The following PTPRN2 variants were observed in gnomAD, a reference collection of about 807,000 sequenced individuals.
PTPRN2 encodes the protein receptor-type tyrosine-protein phosphatase N2.
A neutral mutation model predicts 118.8 loss-of-function variants in PTPRN2; 74 were observed. The ratio of observed to expected loss-of-function variants is 0.62; its 90% CI spans 0.52 to 0.76. The LOEUF (loss-of-function observed/expected upper bound fraction) is 0.76, where lower values mean the gene tolerates loss of function less well. Among genes scored for constraint, PTPRN2 ranks in the 30% least tolerant of loss-of-function variants. The pLI is 0.00. For missense variants in PTPRN2, 1,481 were observed against 1,394.4 expected (o/e 1.06, Z -0.99); for synonymous variants, 641 against 608.0 (o/e 1.05, Z -0.80).
intron 11 of PTPRN2, among the ~76,000 whole-genome samples, chr7:157,907,008 C>T (rs1797810099): frequency 6.6e-6 from 1 of 152,208 alleles, no homozygotes; most frequent in African/African-American, 2.4e-5. Context: ...TCCCGAGATC[C>T]TGACACCCTG....
At chr7:158,218,947 G>T (rs1828150080) in intron 3 of PTPRN2, among the ~76,000 whole-genome samples, 1 of 152,066 alleles carries the variant, frequency 6.6e-6, no homozygotes, top group Non-Finnish European at 1.5e-5. Flanking sequence ...AGTTCTTAGA[G>T]ACCTATAAAG....
At chr7:157,687,636 T>C (rs1277258882) in intron 12 of PTPRN2, among the ~76,000 whole-genome samples, 1 of 152,224 alleles carries the variant, frequency 6.6e-6, no homozygotes, top group East Asian at 1.9e-4. Flanking sequence ...TTAGAGACCA[T>C]TAATGAGTTG....
chr7:158,498,587 C>G (rs138151611), intron 1 of PTPRN2, among the ~76,000 whole-genome samples: 1 of 130,210 alleles, frequency 7.7e-6, no homozygotes, highest in Admixed American at 7.6e-5. Context: ...TTTTTGTCCT[C>G]GATTTCCTGA....
At chr7:157,579,452 T>A (rs565938283) in intron 17 of PTPRN2, among the ~76,000 whole-genome samples, 1 of 152,240 alleles carries the variant, frequency 6.6e-6, no homozygotes, top group Non-Finnish European at 1.5e-5. Flanking sequence ...AACAATTTAA[T>A]GTGCCTTCAG....
At chr7:157,667,175 CTGGTGTGTGCAATG>C in intron 13 of PTPRN2, among the ~76,000 whole-genome samples, 2 of 91,488 alleles carry the variant, frequency 2.2e-5, no homozygotes, top group Non-Finnish European at 2.8e-5. Flanking sequence ...ACACTGATCT[CTGGTGTGTGCAATG>C]AGTACACAGC....
At chr7:158,132,617 TAC>T (rs905814857) in intron 9 of PTPRN2, among the ~76,000 whole-genome samples, 5 of 149,840 alleles carry the variant, frequency 3.3e-5, no homozygotes, top group African/African-American at 5.0e-5. Context: ...CTACCCAACA[TAC>T]ACACTCATAT....
In PTPRN2 at chr7:157,813,760, G is replaced by A. The variant is rs1806204558; in HGVS notation, c.1788+84913C>T. ...TGCCCTGCGTGTGGCTGTCTACACA[G>A]CACGCATTCCTTACCCCGGTGGTTT... On this transcript the variant is annotated intron_variant, in intron 12 of 22. Transcript: ENST00000389418. The surrounding 1 kb of genome is among the most constrained non-coding windows in gnomAD (Gnocchi z 4.7). Among the ~76,000 whole-genome samples the A allele has an allele frequency of 2.0e-5, 3 of 152,240 alleles. No homozygotes were observed. Among genetic ancestry groups the A allele is most frequent in the Admixed American group, 2.0e-4 (3 of 15,294 alleles).
At chr7:158,218,391 CT>C (rs1563617244) in intron 3 of PTPRN2, among the ~76,000 whole-genome samples, 1 of 152,076 alleles carries the variant, frequency 6.6e-6, no homozygotes, top group African/African-American at 2.4e-5. Flanking sequence ...CAAGTGAACA[CT>C]AAAGAAATTC....
At chr7:158,020,033 G>T (rs1385353629) in intron 11 of PTPRN2, among the ~76,000 whole-genome samples, 1 of 152,194 alleles carries the variant, frequency 6.6e-6, no homozygotes, top group African/African-American at 2.4e-5. Context: ...GCCCAGCCCT[G>T]AGGCTTCTGC....
At chr7:157,833,813 T>C (rs1391347683) in intron 12 of PTPRN2, among the ~76,000 whole-genome samples, 2 of 152,202 alleles carry the variant, frequency 1.3e-5, no homozygotes, top group Non-Finnish European at 2.9e-5. Flanking sequence ...TCCATGGACA[T>C]TTTAGGAGTA....
chr7:158,032,020 T>C (rs1429665631), intron 11 of PTPRN2, among the ~76,000 whole-genome samples: 1 of 152,176 alleles, frequency 6.6e-6, no homozygotes, highest in African/African-American at 2.4e-5. Context: ...CAAGGGACCT[T>C]TGGCTGTTTT....
At chr7:157,552,013 G>A (rs1798656064) in intron 21 of PTPRN2, among the ~76,000 whole-genome samples, 1 of 146,852 alleles carries the variant, frequency 6.8e-6, no homozygotes, top group Non-Finnish European at 1.5e-5. Context: ...ACACCCCACA[G>A]CCAGCACCCA....
intron 2 of PTPRN2, among the ~76,000 whole-genome samples, chr7:158,406,899 T>C (rs974241894): frequency 1.4e-4 from 21 of 152,192 alleles, no homozygotes; most frequent in African/African-American, 4.8e-4. Context: ...TTGCTTTATC[T>C]CTCAACATGG....
intron 1 of PTPRN2, among the ~76,000 whole-genome samples, chr7:158,549,828 C>T (rs1409041555): frequency 1.3e-5 from 2 of 152,234 alleles, no homozygotes; most frequent in Admixed American, 6.5e-5. Flanking sequence ...AAGTTTTCCT[C>T]TTCCTCTTTC....
chr7:157,933,449 G>A (rs771604471), intron 11 of PTPRN2, among the ~76,000 whole-genome samples: 11 of 143,040 alleles, frequency 7.7e-5, no homozygotes, highest in South Asian at 2.3e-4. Flanking sequence ...TTTTAGAGGA[G>A]GGGTGAGTCA....
intron 3 of PTPRN2, among the ~76,000 whole-genome samples, chr7:158,303,182 A>AAAAAAAAAAAAC (rs1274915635): frequency 4.1e-4 from 62 of 151,738 alleles, no homozygotes; most frequent in African/African-American, 1.4e-3. Flanking sequence ...AAAAAAAAAA[A>AAAAAAAAAAAAC]AAATTCTTTG....
intron 11 of PTPRN2, among the ~76,000 whole-genome samples, chr7:158,053,965 TGCAGAGACCCTAGAGAC>T (rs1554522617): frequency 5.4e-4 from 74 of 137,338 alleles, no homozygotes; most frequent in African/African-American, 1.8e-3. Flanking sequence ...ACCCCAGAGA[TGCAGAGACCCTAGAGAC>T]GCAGAGACCC....
At position 157,763,529 on chromosome 7, in the gene PTPRN2, A is replaced by T. The variant is rs1375421617; in HGVS notation, c.1789-80592T>A. Among the ~76,000 whole-genome samples, 1 of 151,896 alleles carries T rather than the reference A, an allele frequency of 6.6e-6. No homozygotes were observed. Among genetic ancestry groups the T allele is most frequent in the African/African-American group, 2.4e-5 (1 of 41,348 alleles). On this transcript the variant is annotated intron_variant, in intron 12 of 22. Transcript: ENST00000389418. This position sits in a 1 kb window ranked among gnomAD's most constrained non-coding sequence, Gnocchi z 4.9. ...ATCCTCTCGGCTGGGTCCCCAGGGG[A>T]GCTGCACACTGAGCCTCCACCTCCT...
chr7:158,337,698 C>T (rs1472098357), intron 2 of PTPRN2, among the ~76,000 whole-genome samples: 3 of 147,904 alleles, frequency 2.0e-5, no homozygotes, highest in Non-Finnish European at 1.5e-5. Context: ...CACCCACACT[C>T]TCACCATAAG....
Sources: allele counts gnomAD v4.1 joint callset (sites outside exome capture counted in the v4.1 genomes callset), GRCh38; gene constraint gnomAD v4.1.1; non-coding constraint Gnocchi (gnomAD v3.1); transcripts MANE v1.5; gene names NCBI Gene and HGNC (gene_info 2026-07-23, HGNC 2026-07-21).